ITPR1: variants seen among roughly 807,000 people sequenced by gnomAD.
ITPR1 encodes the protein inositol 1,4,5-trisphosphate receptor type 1.
ITPR1 carries 96 observed loss-of-function variants against 318.4 expected under a neutral mutation model. The ratio of observed to expected loss-of-function variants is 0.30; its 90% confidence interval spans 0.26 to 0.36. The LOEUF is 0.36. ITPR1 is among the 10% of genes least tolerant of loss of function. ITPR1 has a pLI of 1.00. For synonymous variants in ITPR1, 1,312 were observed against 1,289.9 expected (o/e 1.02, Z -0.37); for missense variants, 2,440 against 3,460.2 (o/e 0.71, Z 7.40).
At chr3:4,636,558 A>G (rs1479506926) in intron 5 of ITPR1, among the ~76,000 whole-genome samples, 6 of 152,056 alleles carry the variant, frequency 3.9e-5, no homozygotes, top group Non-Finnish European at 7.4e-5. Context: ...CCTCCCAAGT[A>G]GCTGGGACTA....
intron 44 of ITPR1, among the ~76,000 whole-genome samples, chr3:4,738,954 C>T (rs551796717): frequency 1.3e-5 from 2 of 151,962 alleles, no homozygotes; most frequent in Admixed American, 6.5e-5. Flanking sequence ...TCTGTGACCC[C>T]TGGGGGGCCC....
intron 37 of ITPR1, among the ~76,000 whole-genome samples, chr3:4,709,164 G>A (rs1226822351): frequency 6.6e-6 from 1 of 152,176 alleles, no homozygotes; most frequent in Non-Finnish European, 1.5e-5. Context: ...GAACTGATAA[G>A]AGCCTCAGAA....
chr3:4,696,673 G>GTTT (rs10546052), intron 33 of ITPR1, among the ~76,000 whole-genome samples: 33 of 117,160 alleles, frequency 2.8e-4, no homozygotes, highest in South Asian at 2.0e-3. Flanking sequence ...CTTGCCGTGT[G>GTTT]TTTTTTTTTT....
chr3:4,645,716 G>T lies in ITPR1; in HGVS notation c.843G>T (p.Leu281=). ...CATCTGCCACCAGTTCAAAAGCCCT[G>T]TGGGAGGTGGAGGTAAGGGTAGGGT... ...SATSATSSKA[L]WEVEVVQHDP... Residue 281 remains leucine (L), a synonymous_variant, in exon 10 of 62, where the codon CTG becomes CTT. Transcript: ENST00000649015. 6.2e-7 allele frequency: 1 copy of T among 1,613,038 alleles called. No individual in the cohort carries two copies. Among genetic ancestry groups the T allele is most frequent in the Non-Finnish European group, 8.5e-7 (1 of 1,179,736 alleles).
intron 51 of ITPR1, among the ~76,000 whole-genome samples, chr3:4,784,436 G>A (rs1159143843): frequency 6.6e-6 from 1 of 152,134 alleles, no homozygotes; most frequent in African/African-American, 2.4e-5. Context: ...GAAGGGAAAG[G>A]CAGGCAGCCC....
At chr3:4,731,757 G>C (rs73807142) in intron 42 of ITPR1, among the ~76,000 whole-genome samples, 1 of 152,038 alleles carries the variant, frequency 6.6e-6, no homozygotes, top group African/African-American at 2.4e-5. Flanking sequence ...TTCTCCCAGG[G>C]TGCCTCACGT....
At chr3:4,574,058 A>C (rs2088334163) in intron 4 of ITPR1, among the ~76,000 whole-genome samples, 2 of 152,230 alleles carry the variant, frequency 1.3e-5, no homozygotes, top group Non-Finnish European at 2.9e-5. Context: ...CCCCATGTAC[A>C]CATGGCGCCT....
At chr3:4,534,542 G>A (rs866275646) in intron 4 of ITPR1, among the ~76,000 whole-genome samples, 9 of 152,312 alleles carry the variant, frequency 5.9e-5, no homozygotes, top group African/African-American at 2.2e-4. Context: ...CAAAACAATA[G>A]CTGGAGGTCA....
At position 4,779,521 on chromosome 3, in the gene ITPR1, A is replaced by C. The variant is rs371777189; in HGVS notation, c.6292-29A>C. Reference sequence around the variant, plus strand: ...CCGGGCCCCCAAGCAGCCCCTCTACATTTCCTCTCCCTTTGTTTCTCCAAC... The same window carrying C: ...CCGGGCCCCCAAGCAGCCCCTCTACCTTTCCTCTCCCTTTGTTTCTCCAAC... On this transcript the variant is annotated intron_variant, in intron 48 of 61. Transcript: ENST00000649015. The surrounding 1 kb of genome is among the most constrained non-coding windows in gnomAD (Gnocchi z 4.0). 2 of 1,578,718 alleles carry C rather than the reference A, an allele frequency of 1.3e-6. No homozygotes were observed. The highest frequency in any genetic ancestry group is 4.5e-5 in the East Asian group (2 of 44,490).
chr3:4,831,026 G>GA (rs199963457), intron 60 of ITPR1: 10 of 448,788 alleles, frequency 2.2e-5, no homozygotes, highest in South Asian at 6.3e-5. Context: ...AACCTGGGAA[G>GA]AAAAAAAAAT....
At chr3:4,669,855 T>C in intron 19 of ITPR1, 82 bp downstream of exon 19, 1 of 1,318,256 alleles carries the variant, frequency 7.6e-7, no homozygotes, top group East Asian at 2.8e-5. Flanking sequence ...CCTAGCCCTA[T>C]CATTTTTTGA....
At chr3:4,804,657 C>T (rs2048446281) in intron 54 of ITPR1, among the ~76,000 whole-genome samples, 1 of 152,272 alleles carries the variant, frequency 6.6e-6, no homozygotes. Context: ...CCCAGGGCAC[C>T]ATCTGCCTCT....
At chr3:4,601,378 G>C (rs138355852) in intron 4 of ITPR1, among the ~76,000 whole-genome samples, 1,617 of 151,770 alleles carry the variant, frequency 0.011, 24 homozygotes, top group African/African-American at 0.037. Flanking sequence ...AATTAGCCAG[G>C]CATGGTTGCA....
chr3:4,689,360 A>G (rs1288716386), intron 31 of ITPR1, among the ~76,000 whole-genome samples: 2 of 152,222 alleles, frequency 1.3e-5, no homozygotes, highest in Admixed American at 1.3e-4. Flanking sequence ...CAGAAAAAGG[A>G]TTGCTGGATT....
At chr3:4,645,758 G>T in intron 10 of ITPR1, 30 bp downstream of exon 10, 2 of 1,599,274 alleles carry the variant, frequency 1.3e-6, no homozygotes, top group African/African-American at 1.4e-5. Flanking sequence ...AGGGCTCCTG[G>T]GTTTAGAGGA....
chr3:4,660,062 A>G (rs937209428), intron 13 of ITPR1, among the ~76,000 whole-genome samples: 6 of 152,216 alleles, frequency 3.9e-5, no homozygotes, highest in Non-Finnish European at 7.4e-5. Context: ...TGTGTTCTAC[A>G]AGGTGCTAGA....
At position 4,811,541 on chromosome 3, in the gene ITPR1, T is replaced by A. The variant is rs1332747431; in HGVS notation, c.7468+81T>A. 2.6e-6 allele frequency: 3 copies of A among 1,156,692 alleles called. No homozygotes were observed. The African/African-American group carries it at 4.6e-5, about 18-fold the overall frequency. The allele number at this position is 1,156,692 out of a possible 1,614,324, so 71.7% of individuals were successfully genotyped here. A position where few individuals can be genotyped will look rare whatever the true frequency, so the allele number is the denominator to read the frequency against. Reference sequence around the variant, plus strand: ...ACTGAACTAAAGAAAATAACGACTTTAGTAATGCAGATATCTCCCCATTGT... The same window carrying A: ...ACTGAACTAAAGAAAATAACGACTTAAGTAATGCAGATATCTCCCCATTGT... On this transcript the variant is annotated intron_variant, in intron 56 of 61. Coordinates refer to ENST00000649015, the MANE Select transcript of ITPR1 (RefSeq NM_001378452.1).
chr3:4,777,394 A>G lies in ITPR1; in HGVS notation c.6291+20A>G. The G allele has an allele frequency of 6.9e-7, 1 of 1,446,390 alleles. No individual in the cohort carries two copies. The highest frequency in any genetic ancestry group is 9.6e-7 in the Non-Finnish European group (1 of 1,043,878). The allele number at this position is 1,446,390 out of a possible 1,614,324, so 89.6% of individuals were successfully genotyped here. ...CTGAAGGCAAGTAGGAATTAAAAGC[A>G]GAAGACAGTCATTTGGAAACAGTCA... On this transcript the variant is annotated intron_variant, in intron 48 of 61. Transcript: ENST00000649015.
chr3:4,838,677 G>A (rs2051109165), intron 61 of ITPR1, among the ~76,000 whole-genome samples: 1 of 152,192 alleles, frequency 6.6e-6, no homozygotes, highest in Admixed American at 6.5e-5. Flanking sequence ...TTGCAACAGT[G>A]AGGCATTCTA....
Sources: gnomAD v4.1 joint callset for allele counts (sites outside exome capture counted in the v4.1 genomes callset) on GRCh38, gnomAD v4.1.1 for gene constraint, Gnocchi (gnomAD v3.1) non-coding constraint, MANE v1.5 for transcripts, NCBI Gene and HGNC (gene_info 2026-07-23, HGNC 2026-07-21) for gene names.